CHMP3: variants seen among roughly 807,000 people sequenced by gnomAD.
CHMP3 encodes the protein charged multivesicular body protein 3, also known as 25.1 protein.
In CHMP3, 8 loss-of-function variants were observed where a neutral mutation model predicts 27.4. That is an observed-to-expected ratio of 0.29 (90% CI 0.17 to 0.53). The LOEUF is 0.53. Among genes scored for constraint, CHMP3 ranks in the 20% least tolerant of loss-of-function variants. CHMP3 has a pLI of 0.96. For synonymous variants in CHMP3, 86 were observed against 85.5 expected (o/e 1.01, Z -0.03); for missense variants, 208 against 271.5 (o/e 0.77, Z 1.64).
chr2:86,526,888 A>G (rs74760994), intron 3 of CHMP3, among the ~76,000 whole-genome samples: 2,259 of 152,162 alleles, frequency 0.015, 66 homozygotes, highest in African/African-American at 0.052. Context: ...CCACATGAAC[A>G]TATTTCAAAA....
intron 3 of CHMP3, chr2:86,511,266 C>A (rs965070002): frequency 2.0e-5 from 3 of 152,160 alleles, no homozygotes; most frequent in African/African-American, 7.2e-5. Flanking sequence ...CTGGTGGAAT[C>A]CAGACCCTAG....
chr2:86,526,849 A>T (rs1675732644), intron 3 of CHMP3, among the ~76,000 whole-genome samples: 1 of 152,100 alleles, frequency 6.6e-6, no homozygotes, highest in African/African-American at 2.4e-5. Flanking sequence ...CATTACAGGT[A>T]TGAGCCACTG....
chr2:86,543,715 C>A (rs1480493019), intron 1 of CHMP3, among the ~76,000 whole-genome samples: 2 of 152,166 alleles, frequency 1.3e-5, no homozygotes, highest in Non-Finnish European at 2.9e-5. Flanking sequence ...TGCCAAATAA[C>A]CATCATTTTC....
intron 3 of CHMP3, among the ~76,000 whole-genome samples, chr2:86,517,196 T>A (rs1405864971): frequency 6.6e-6 from 1 of 152,234 alleles, no homozygotes; most frequent in Non-Finnish European, 1.5e-5. Context: ...GGATATTGTA[T>A]GCATAAAACA....
At chr2:86,519,095 C>G (rs185320926) in intron 3 of CHMP3, among the ~76,000 whole-genome samples, 1 of 152,082 alleles carries the variant, frequency 6.6e-6, no homozygotes, top group East Asian at 1.9e-4. Context: ...AAAGGAGGGC[C>G]GGGCACGGTG....
chr2:86,537,022 G>A (rs12714188), intron 2 of CHMP3, among the ~76,000 whole-genome samples: 59,392 of 151,868 alleles, frequency 0.39, 13,584 homozygotes, highest in East Asian at 0.75. Flanking sequence ...CACCACACCT[G>A]GCTAATTTTT....
intron 1 of CHMP3, among the ~76,000 whole-genome samples, chr2:86,560,548 G>T (rs771979880): frequency 1.3e-5 from 2 of 151,960 alleles, no homozygotes. Context: ...ATCACACACC[G>T]GGGCCTGTCA....
intron 2 of CHMP3, chr2:86,541,314 T>G (rs1294440534): frequency 6.6e-6 from 1 of 152,146 alleles, no homozygotes; most frequent in Non-Finnish European, 1.5e-5. Context: ...CTCTTGAAAT[T>G]TCACTCTAAG....
intron 1 of CHMP3, 111 bp downstream of exon 1, chr2:86,563,193 G>A: frequency 7.5e-7 from 1 of 1,338,244 alleles, no homozygotes; most frequent in Non-Finnish European, 1.0e-6. Flanking sequence ...CCGGAAATGG[G>A]GGCCGGGCGG....
intron 3 of CHMP3, 120 bp from the exon 4 acceptor site, chr2:86,510,599 G>A (rs1675068223): frequency 7.3e-7 from 1 of 1,378,980 alleles, no homozygotes; most frequent in Non-Finnish European, 9.8e-7. Context: ...AGTTATTTGT[G>A]TGCCTTTAAA....
intron 4 of CHMP3, 61 bp downstream of exon 4, chr2:86,510,295 CCT>C (rs1330725426): frequency 3.2e-6 from 5 of 1,547,530 alleles, no homozygotes; most frequent in Middle Eastern, 1.8e-4. Flanking sequence ...TCCCTAGCCC[CCT>C]GTTACTTGTT....
chr2:86,519,365 CAAAA>C (rs35255775), intron 3 of CHMP3, among the ~76,000 whole-genome samples: 1 of 111,122 alleles, frequency 9.0e-6, no homozygotes, highest in South Asian at 2.8e-4. Context: ...AACTTCATCT[CAAAA>C]AAAAAAAAAA....
At chr2:86,521,014 G>A (rs957460343) in intron 3 of CHMP3, among the ~76,000 whole-genome samples, 4 of 152,066 alleles carry the variant, frequency 2.6e-5, no homozygotes, top group African/African-American at 4.8e-5. Flanking sequence ...TGTAATCTCC[G>A]CCACCCTTAA....
intron 1 of CHMP3, among the ~76,000 whole-genome samples, chr2:86,551,207 T>C (rs1292335381): frequency 6.6e-6 from 1 of 152,176 alleles, no homozygotes; most frequent in African/African-American, 2.4e-5. Context: ...TACTTCCAGG[T>C]CACTATTATT....
intron 1 of CHMP3, chr2:86,562,930 G>A (rs535925893): frequency 4.7e-5 from 9 of 190,058 alleles, no homozygotes; most frequent in South Asian, 3.1e-4. Flanking sequence ...GGTTCTCCGG[G>A]TGGTCCGCAG....
intron 1 of CHMP3, among the ~76,000 whole-genome samples, chr2:86,554,826 T>C (rs899066566): frequency 6.8e-6 from 1 of 147,038 alleles, no homozygotes; most frequent in African/African-American, 2.5e-5. Flanking sequence ...CGTGTGTGTG[T>C]GTGTGTGTGT....
intron 1 of CHMP3, among the ~76,000 whole-genome samples, chr2:86,544,169 G>A (rs1482002140): frequency 6.6e-6 from 1 of 152,086 alleles, no homozygotes; most frequent in Non-Finnish European, 1.5e-5. Flanking sequence ...TCTTTTATAT[G>A]TGTATAACAC....
intron 3 of CHMP3, among the ~76,000 whole-genome samples, chr2:86,518,538 C>T (rs1433420599): frequency 6.6e-6 from 1 of 151,942 alleles, no homozygotes; most frequent in Non-Finnish European, 1.5e-5. Context: ...ATAAAAAAAG[C>T]TCAAAAGTGT....
At chr2:86,534,069 C>T (rs973461331) in intron 2 of CHMP3, among the ~76,000 whole-genome samples, 1 of 152,004 alleles carries the variant, frequency 6.6e-6, no homozygotes, top group Non-Finnish European at 1.5e-5. Flanking sequence ...TTAAATTTGA[C>T]TGAGACTTGA....
Sources: allele counts gnomAD v4.1 joint callset (sites outside exome capture counted in the v4.1 genomes callset), GRCh38; gene constraint gnomAD v4.1.1; transcripts MANE v1.5; gene names NCBI Gene and HGNC (gene_info 2026-07-23, HGNC 2026-07-21).